The following NADK2 variants were observed in gnomAD, a reference collection of about 807,000 sequenced individuals.
NADK2 encodes NAD kinase domain-containing protein 1, mitochondrial.
In NADK2, 35 loss-of-function variants were observed where a neutral mutation model predicts 62.1. That is an observed-to-expected ratio of 0.56 (90% CI 0.43 to 0.75). The LOEUF (loss-of-function observed/expected upper bound fraction) is 0.75. Ranked by LOEUF, NADK2 falls within the 30% of genes least tolerant of loss-of-function variation. The pLI, the probability that NADK2 is intolerant of heterozygous loss-of-function variation, is 0.00. For synonymous variants in NADK2, 205 were observed against 207.9 expected (o/e 0.99, Z 0.12); for missense variants, 439 against 561.3 (o/e 0.78, Z 2.20).
intron 1 of NADK2, among the ~76,000 whole-genome samples, 185 bp from the exon 2 acceptor site, chr5:36,227,750 T>G (rs971944847): frequency 2.0e-5 from 3 of 152,216 alleles, no homozygotes; most frequent in African/African-American, 7.2e-5. Flanking sequence ...TAATTTGGCT[T>G]TAATACCAAA....
chr5:36,213,036 T>A (rs1746908610), intron 6 of NADK2: 1 of 152,182 alleles, frequency 6.6e-6, no homozygotes, highest in Non-Finnish European at 1.5e-5. Context: ...AGAGATAACA[T>A]GAACAACCCT....
intron 4 of NADK2, among the ~76,000 whole-genome samples, chr5:36,223,446 A>C (rs1251126765): frequency 6.6e-6 from 1 of 152,178 alleles, no homozygotes; most frequent in Non-Finnish European, 1.5e-5. Context: ...AAGAAGAAAA[A>C]AGATGGCCCA....
At chr5:36,235,879 TGAA>T (rs1414739784) in intron 1 of NADK2, among the ~76,000 whole-genome samples, 1 of 80,710 alleles carries the variant, frequency 1.2e-5, no homozygotes, top group African/African-American at 4.4e-5. Flanking sequence ...TGGTTTATTA[TGAA>T]GAAAATATAT....
At position 36,241,908 on chromosome 5, in the gene NADK2, C is replaced by G. The variant is rs1353428215; in HGVS notation, c.-110G>C. 1.1e-6 allele frequency: 1 copy of G among 924,626 alleles called. No individual in the cohort carries two copies. Among genetic ancestry groups the G allele is most frequent in the Non-Finnish European group, 1.3e-6 (1 of 755,676 alleles). 57.3% of individuals were successfully genotyped at this position (924,626 alleles called of 1,614,324 possible). ...CCCGGGCCTCTAACTTCGCGCCGGA[C>G]GGGCAGAGGTTAAGTGCCAGGACGT... On this transcript the variant is annotated 5_prime_UTR_variant, in exon 1 of 12. Coordinates refer to ENST00000381937, the MANE Select transcript of NADK2 (RefSeq NM_001085411.3). The surrounding 1 kb of genome is among the most constrained non-coding windows in gnomAD (Gnocchi z 4.9).
chr5:36,226,616 CAG>C (rs1747494707), intron 2 of NADK2, 53 bp from the exon 3 acceptor site: 1 of 1,272,420 alleles, frequency 7.9e-7, no homozygotes, highest in Non-Finnish European at 1.1e-6. Context: ...ATATATATAA[CAG>C]GGGTATGTTT....
chr5:36,204,584 G>A (rs1291750472), intron 8 of NADK2, among the ~76,000 whole-genome samples: 1 of 151,964 alleles, frequency 6.6e-6, no homozygotes, highest in Non-Finnish European at 1.5e-5. Context: ...CTATAAGATG[G>A]TTACAAAATA....
intron 4 of NADK2, among the ~76,000 whole-genome samples, chr5:36,220,388 A>G (rs192254812): frequency 4.7e-4 from 72 of 151,752 alleles, no homozygotes; most frequent in African/African-American, 1.7e-3. Flanking sequence ...AGTATGTGGC[A>G]CCTAAAGATG....
chr5:36,219,457 C>T (rs769144761), intron 5 of NADK2, 139 bp downstream of exon 5: 43 of 632,824 alleles, frequency 6.8e-5, no homozygotes, highest in Non-Finnish European at 1.0e-4. Flanking sequence ...GTGATCCACC[C>T]GCATCGGCCT....
intron 1 of NADK2, among the ~76,000 whole-genome samples, chr5:36,227,882 T>C (rs560030238): frequency 9.3e-5 from 14 of 151,340 alleles, no homozygotes; most frequent in African/African-American, 3.4e-4. Context: ...TCTCGCTCTG[T>C]TGCCCAGGCT....
In NADK2 at chr5:36,241,873, G is replaced by A. The variant is rs1748152546; in HGVS notation, c.-75C>T. 9.0e-7 allele frequency: 1 copy of A among 1,115,076 alleles called. No individual in the cohort carries two copies. Among genetic ancestry groups the A allele is most frequent in the South Asian group, 3.2e-5 (1 of 31,388 alleles). 69.1% of individuals were successfully genotyped at this position (1,115,076 alleles called of 1,614,324 possible). A position where few individuals can be genotyped will look rare whatever the true frequency, so the allele number is the denominator to read the frequency against. On this transcript the variant is annotated 5_prime_UTR_variant, in exon 1 of 12. In the 5' UTR this introduces an upstream ATG that the reference lacks. Coordinates refer to ENST00000381937, the MANE Select transcript of NADK2 (RefSeq NM_001085411.3). The surrounding 1 kb of genome is among the most constrained non-coding windows in gnomAD (Gnocchi z 4.9). The stretch of plus-strand genomic sequence containing the variant: ...CTCCCTACCGCCGGGAGTGCGCGCC[G>A]TCCGCGCCGCCCGGGCCTCTAACTT...
chr5:36,234,304 C>T (rs1172710738), intron 1 of NADK2, among the ~76,000 whole-genome samples: 3 of 135,828 alleles, frequency 2.2e-5, no homozygotes, highest in Non-Finnish European at 4.6e-5. Flanking sequence ...ACCCGGGAGG[C>T]GGAGCTTGCA....
intron 4 of NADK2, 34 bp downstream of exon 4, chr5:36,225,508 A>G (rs532064262): frequency 6.3e-7 from 1 of 1,579,608 alleles, no homozygotes; most frequent in Non-Finnish European, 8.6e-7. Flanking sequence ...AGCACACCAC[A>G]CAAATCAAAC....
intron 9 of NADK2, 60 bp from the exon 10 acceptor site, chr5:36,200,340 T>C (rs1034640787): frequency 8.9e-7 from 1 of 1,119,684 alleles, no homozygotes; most frequent in East Asian, 3.2e-5. Flanking sequence ...TATATATATA[T>C]TTTCCTTGAA....
intron 8 of NADK2, 114 bp downstream of exon 8, chr5:36,207,056 C>A: frequency 1.3e-6 from 1 of 795,032 alleles, no homozygotes; most frequent in Admixed American, 2.3e-5. Context: ...CTTGGCCTAC[C>A]TACATAACAC....
chr5:36,215,946 T>A (rs1016590979), intron 6 of NADK2, among the ~76,000 whole-genome samples: 2 of 152,200 alleles, frequency 1.3e-5, no homozygotes, highest in Non-Finnish European at 2.9e-5. Context: ...TTCCTTTGGA[T>A]AAATAGCCAG....
rs1337762706 is a variant in NADK2 at position 36,192,727 on chromosome 5, C to T, written c.*2417G>A. 2 of 152,210 alleles carry T rather than the reference C, an allele frequency of 1.3e-5. No homozygotes were observed. Among genetic ancestry groups the T allele is most frequent in the Non-Finnish European group, 2.9e-5 (2 of 68,034 alleles). The allele number at this position is 152,210 out of a possible 1,614,324, so 9.4% of individuals were successfully genotyped here. A position where few individuals can be genotyped will look rare whatever the true frequency, so the allele number is the denominator to read the frequency against. On this transcript the variant is annotated 3_prime_UTR_variant, in exon 12 of 12. Coordinates refer to ENST00000381937, the MANE Select transcript of NADK2 (RefSeq NM_001085411.3). ...ACTTCACCCTGATTTAATAACTAATCATTCTATGTCAAATGTTAACAGTGA... is the reference window on the plus strand; with the variant it reads ...ACTTCACCCTGATTTAATAACTAATTATTCTATGTCAAATGTTAACAGTGA...
In NADK2 at chr5:36,217,780, C is replaced by T; in HGVS notation, c.749G>A (p.Arg250Lys). 1 of 1,613,914 alleles carries T rather than the reference C, an allele frequency of 6.2e-7. No homozygotes were observed. Among genetic ancestry groups the T allele is most frequent in the Non-Finnish European group, 8.5e-7 (1 of 1,179,882 alleles). The change falls in exon 6 of 12, where the codon AGA becomes AAA. Residue 250 changes from arginine (R) to lysine (K), a missense_variant. Physicochemically the swap from Arg to Lys is conservative, Grantham distance 26 (BLOSUM62 2). Transcript: ENST00000381937. Reference sequence around the variant, plus strand: ...ATGAGCTCTTTCAATGTTAAGGGCTCTATTGTGCTGATTCAAGCTTAGCTG... The same window carrying T: ...ATGAGCTCTTTCAATGTTAAGGGCTTTATTGTGCTGATTCAAGCTTAGCTG... ...EQQLSLNQHNRALNIERAHDE... is the reference protein window; with the variant it reads ...EQQLSLNQHNKALNIERAHDE...
At chr5:36,213,666 A>G (rs1294911107) in intron 6 of NADK2, among the ~76,000 whole-genome samples, 1 of 135,326 alleles carries the variant, frequency 7.4e-6, no homozygotes, top group East Asian at 2.1e-4. Flanking sequence ...TTGATTGCAC[A>G]TAAGAATAAA....
intron 8 of NADK2, among the ~76,000 whole-genome samples, chr5:36,202,722 T>C (rs996834883): frequency 3.9e-5 from 6 of 152,104 alleles, no homozygotes; most frequent in Non-Finnish European, 8.8e-5. Flanking sequence ...GGACCCTCCA[T>C]GCTCTTCCAC....
Sources: gnomAD v4.1 joint callset for allele counts (sites outside exome capture counted in the v4.1 genomes callset) on GRCh38, gnomAD v4.1.1 for gene constraint, Gnocchi (gnomAD v3.1) non-coding constraint, MANE v1.5 for transcripts, NCBI Gene and HGNC (gene_info 2026-07-23, HGNC 2026-07-21) for gene names.